CPAMD8: variants seen among roughly 807,000 people sequenced by gnomAD.
CPAMD8 encodes C3 and PZP-like alpha-2-macroglobulin domain-containing protein 8.
CPAMD8 carries 146 observed loss-of-function variants against 224.7 expected under a neutral mutation model. That is an observed-to-expected ratio of 0.65 (90% CI 0.57 to 0.75). The LOEUF (loss-of-function observed/expected upper bound fraction) is 0.75, where lower values mean the gene tolerates loss of function less well. CPAMD8 is among the 30% of genes least tolerant of loss of function. The probability of loss-of-function intolerance (pLI) is 0.00; values close to 1 mark genes in which losing one functional copy is unlikely to be tolerated. For missense variants in CPAMD8, 2,301 were observed against 2,537.5 expected, an observed-to-expected ratio of 0.91 and a Z score of 2.00; for synonymous variants, 966 against 1,044.6, an observed-to-expected ratio of 0.92 and a Z score of 1.45.
chr19:17,009,107 A>T, intron 6 of CPAMD8, 196 bp downstream of exon 6: 2 of 735,246 alleles, frequency 2.7e-6, no homozygotes, highest in Middle Eastern at 4.3e-4. Flanking sequence ...AAAAAAAAAA[A>T]GGAAACGGAC....
Position 17,004,329 on chromosome 19 carries a change from A to C in CPAMD8, c.617T>G (p.Ile206Ser). 6.2e-7 allele frequency: 1 copy of C among 1,613,964 alleles called. No individual in the cohort carries two copies. Among genetic ancestry groups the C allele is most frequent in the Non-Finnish European group, 8.5e-7 (1 of 1,179,822 alleles). ...SDQPVLGEWF[I>S]FVEMQGHAYN... ...CGCGTGGCCTTGCATTTCAACAAAA[A>C]TGAACCATTCTCCCAACACAGGCTG... Residue 206 changes from isoleucine to serine, a missense_variant, in exon 8 of 42, where the codon ATT (isoleucine) becomes AGT (serine). Physicochemically the swap from Ile to Ser is moderately radical, Grantham distance 142. Coordinates refer to ENST00000443236, the MANE Select transcript of CPAMD8 (RefSeq NM_015692.5).
intron 12 of CPAMD8, among the ~76,000 whole-genome samples, chr19:16,990,391 G>A (rs1489114468): frequency 6.6e-6 from 1 of 151,992 alleles, no homozygotes; most frequent in Non-Finnish European, 1.5e-5. Context: ...AGACCAGCCT[G>A]GGCAATATAG....
intron 26 of CPAMD8, among the ~76,000 whole-genome samples, chr19:16,922,331 G>C (rs1020144019): frequency 6.6e-6 from 1 of 151,798 alleles, no homozygotes; most frequent in African/African-American, 2.4e-5. Context: ...TGGGGTTCTT[G>C]AAACTGCCTC....
At chr19:16,920,727 AC>A (rs956053978) in intron 27 of CPAMD8, among the ~76,000 whole-genome samples, 2 of 150,462 alleles carry the variant, frequency 1.3e-5, no homozygotes, top group African/African-American at 4.9e-5. Flanking sequence ...ATGATGGTGC[AC>A]ACCTGTAATC....
intron 3 of CPAMD8, among the ~76,000 whole-genome samples, chr19:17,014,759 G>A (rs989261036): frequency 2.6e-5 from 4 of 152,142 alleles, no homozygotes; most frequent in African/African-American, 7.2e-5. Flanking sequence ...CTCCCACAAC[G>A]TGTGGAAATT....
chr19:16,929,135 C>G lies in CPAMD8; in HGVS notation c.2951G>C (p.Arg984Pro). The change falls in exon 24 of 42, where the codon CGT (arginine) becomes CCT (proline). Residue 984 changes from arginine (R) to proline (P), a missense_variant. By Grantham distance (103) the Arg-to-Pro change is moderately radical (BLOSUM62 -2). Coordinates refer to ENST00000443236, the MANE Select transcript of CPAMD8 (RefSeq NM_015692.5). ...DVAVRAHNDA[R>P]VALSSGPQDT... ...CTGGGGCCCAGAAGACAAGGCCACA[C>G]GGGCATCATTGTGAGCTCGCACAGC... 1 of 1,614,040 alleles carries G rather than the reference C, an allele frequency of 6.2e-7. No homozygotes were observed. Among genetic ancestry groups the G allele is most frequent in the Non-Finnish European group, 8.5e-7 (1 of 1,179,932 alleles).
intron 27 of CPAMD8, 44 bp from the exon 28 acceptor site, chr19:16,914,857 A>T: frequency 6.9e-7 from 1 of 1,457,432 alleles, no homozygotes; most frequent in Non-Finnish European, 9.4e-7. Context: ...CAGAATGGTC[A>T]GCCCCCACAT....
At chr19:16,932,004 A>G (rs2053559983) in intron 23 of CPAMD8, among the ~76,000 whole-genome samples, 1 of 152,244 alleles carries the variant, frequency 6.6e-6, no homozygotes, top group African/African-American at 2.4e-5. Flanking sequence ...CCAAACGTAT[A>G]GACATCACTG....
chr19:16,989,691 G>A lies in CPAMD8; in HGVS notation c.1347C>T (p.Ser449=). 1 of 1,614,080 alleles carries A rather than the reference G, an allele frequency of 6.2e-7. No homozygotes were observed. ...PSYLSLGSWY[S]PSQCYLQLQP... ...GCAGCTGCAGGTAGCACTGGCTGGG[G>A]GAGTACCAGCTGCCGAGGGAGAGGT... The change falls in exon 13 of 42, where the codon TCC becomes TCT. Residue 449 remains serine, a synonymous_variant. Transcript: ENST00000443236.
At chr19:16,990,863 C>CAAAAAAAAAAAAAAAAAAAAAAAAAAA (rs3067791) in intron 12 of CPAMD8, among the ~76,000 whole-genome samples, 2 of 73,176 alleles carry the variant, frequency 2.7e-5, no homozygotes, top group Admixed American at 1.6e-4. Flanking sequence ...AACTCTGTCT[C>CAAAAAAAAAAAAAAAAAAAAAAAAAAA]AAAAAAAAAA....
At chr19:16,893,607 G>A (rs2051844781) in intron 41 of CPAMD8, 2 of 383,352 alleles carry the variant, frequency 5.2e-6, no homozygotes, top group Non-Finnish European at 4.7e-6. Flanking sequence ...GTCACAAAGG[G>A]GAATCAAAGT....
intron 8 of CPAMD8, among the ~76,000 whole-genome samples, chr19:17,002,993 T>C (rs2056380921): frequency 1.3e-5 from 2 of 150,048 alleles, no homozygotes; most frequent in Non-Finnish European, 3.0e-5. Flanking sequence ...AACCTCCTCC[T>C]CCTGGTTCAA....
At chr19:16,903,061 C>T (rs541458126) in intron 34 of CPAMD8, among the ~76,000 whole-genome samples, 198 bp from the exon 35 acceptor site, 1 of 152,242 alleles carries the variant, frequency 6.6e-6, no homozygotes, top group African/African-American at 2.4e-5. Flanking sequence ...ATCATCAGAC[C>T]AGTTTTATGG....
chr19:16,990,443 G>C (rs2055898652), intron 12 of CPAMD8, among the ~76,000 whole-genome samples: 2 of 151,916 alleles, frequency 1.3e-5, no homozygotes, highest in African/African-American at 4.8e-5. Context: ...TGGAGACTCA[G>C]CTACTAGGGG....
At chr19:16,990,339 T>A (rs1358113769) in intron 12 of CPAMD8, among the ~76,000 whole-genome samples, 1 of 151,626 alleles carries the variant, frequency 6.6e-6, no homozygotes, top group Non-Finnish European at 1.5e-5. Context: ...CTCAGCATTT[T>A]GGGAGGCAGA....
At chr19:17,021,220 C>A (rs1345641210) in intron 2 of CPAMD8, among the ~76,000 whole-genome samples, 3 of 152,194 alleles carry the variant, frequency 2.0e-5, no homozygotes, top group Non-Finnish European at 4.4e-5. Flanking sequence ...AGCTGGCCAG[C>A]AATACCAGTG....
Position 17,004,334 on chromosome 19 carries a change from C to T in CPAMD8, c.612G>A (p.Trp204Ter), listed in dbSNP as rs2056422838. The change falls in exon 8 of 42, where the codon TGG (tryptophan) becomes TGA (stop). Residue 204 changes from tryptophan (W) to a stop codon, truncating the protein, a stop_gained. Coordinates refer to ENST00000443236, the MANE Select transcript of CPAMD8 (RefSeq NM_015692.5). LOFTEE classifies it high-confidence loss of function. ...GGCCTTGCATTTCAACAAAAATGAA[C>T]CATTCTCCCAACACAGGCTGGTCGG... The part of the protein sequence containing the change: ...PLSDQPVLGE[W>*]FIFVEMQGHA... The T allele has an allele frequency of 6.2e-7, 1 of 1,613,708 alleles. No individual in the cohort carries two copies. The highest frequency in any genetic ancestry group is 8.5e-7 in the Non-Finnish European group (1 of 1,179,768).
At chr19:17,021,480 A>G (rs1023500818) in intron 2 of CPAMD8, among the ~76,000 whole-genome samples, 2 of 152,180 alleles carry the variant, frequency 1.3e-5, no homozygotes, top group African/African-American at 2.4e-5. Flanking sequence ...TCTCGGCATG[A>G]GGAATGAGTC....
chr19:16,984,993 A>G (rs560505708), intron 13 of CPAMD8, among the ~76,000 whole-genome samples: 190 of 152,342 alleles, frequency 1.2e-3, no homozygotes, highest in African/African-American at 4.4e-3. Flanking sequence ...TAGGGTACCC[A>G]TTGAAAATCT....
Sources: gnomAD v4.1 joint callset for allele counts (sites outside exome capture counted in the v4.1 genomes callset) on GRCh38, gnomAD v4.1.1 for gene constraint, MANE v1.5 for transcripts, NCBI Gene and HGNC (gene_info 2026-07-23, HGNC 2026-07-21) for gene names.